ESRRG: variants seen among roughly 807,000 people sequenced by gnomAD.
ESRRG encodes the protein estrogen related receptor gamma, also known as estrogen-related receptor gamma.
A neutral mutation model predicts 44.0 loss-of-function variants in ESRRG; 13 were observed. The observed-to-expected ratio is 0.30, with a 90% CI of 0.19 to 0.47. The LOEUF (loss-of-function observed/expected upper bound fraction) is 0.47, where lower values mean the gene tolerates loss of function less well. ESRRG is among the 20% of genes least tolerant of loss of function. ESRRG has a pLI of 1.00. For synonymous variants in ESRRG, 215 were observed against 214.6 expected (o/e 1.00, Z -0.02); for missense variants, 395 against 580.6 (o/e 0.68, Z 3.29).
At chr1:217,091,103 A>G (rs1322026590), upstream of ESRRG, among the ~76,000 whole-genome samples, 2 of 152,220 alleles carry the variant, frequency 1.3e-5, no homozygotes, top group East Asian at 1.9e-4. Context: ...ATAAGTATCT[A>G]GCACCAGGTT....
chr1:216,601,162 G>A (rs1414990496), intron 3 of ESRRG, among the ~76,000 whole-genome samples: 2 of 152,116 alleles, frequency 1.3e-5, no homozygotes, highest in African/African-American at 4.8e-5. Context: ...GCTGCCCCGG[G>A]CTCCCGGGCG....
At chr1:216,608,186 T>C (rs191501441) in intron 3 of ESRRG, among the ~76,000 whole-genome samples, 200 of 152,352 alleles carry the variant, frequency 1.3e-3, no homozygotes, top group African/African-American at 4.4e-3. Flanking sequence ...ATTTATTCTT[T>C]TAATTTGAAT....
intron 2 of ESRRG, among the ~76,000 whole-genome samples, chr1:216,893,658 A>C (rs2058080132): frequency 6.6e-6 from 1 of 151,692 alleles, no homozygotes; most frequent in African/African-American, 2.4e-5. Context: ...GAAATGTATA[A>C]GATGTAAACA....
At chr1:216,780,575 A>G (rs1053736898) in intron 2 of ESRRG, among the ~76,000 whole-genome samples, 1 of 152,032 alleles carries the variant, frequency 6.6e-6, no homozygotes, top group Non-Finnish European at 1.5e-5. Context: ...GTTACTATCA[A>G]TATCTTCATG....
chr1:216,625,554 T>C (rs1489079500), intron 3 of ESRRG, among the ~76,000 whole-genome samples: 1 of 152,058 alleles, frequency 6.6e-6, no homozygotes, highest in Non-Finnish European at 1.5e-5. Context: ...ATTCCAGGTG[T>C]CTAGAGATGA....
rs150118292 is a variant in ESRRG, at chr1:216,927,951, C to T, written c.-14+11631G>A. Among the ~76,000 whole-genome samples, 29 of 152,262 alleles carry T rather than the reference C, an allele frequency of 1.9e-4. No homozygotes were observed. In the East Asian group the frequency reaches 4.8e-3, roughly 25 times the overall value. On this transcript the variant is annotated intron_variant, in intron 2 of 7. Transcript: ENST00000359162. ...TTAATCCAGTTCCAATCTTTAACTTCGAAAGAATTCAGGCACATGAGGGAT... is the reference window on the plus strand; with the variant it reads ...TTAATCCAGTTCCAATCTTTAACTTTGAAAGAATTCAGGCACATGAGGGAT...
chr1:216,975,322 A>G (rs1365719227), intron 1 of ESRRG, among the ~76,000 whole-genome samples: 2 of 152,214 alleles, frequency 1.3e-5, no homozygotes, highest in Non-Finnish European at 2.9e-5. Context: ...TGATCTGGTC[A>G]GATCAAGGAC....
At chr1:216,715,580 G>T (rs567139304) in intron 1 of ESRRG, among the ~76,000 whole-genome samples, 1 of 152,148 alleles carries the variant, frequency 6.6e-6, no homozygotes, top group South Asian at 2.1e-4. Flanking sequence ...GCAATCAATT[G>T]AACAACCTCA....
chr1:216,938,764 G>T (rs2064615763), intron 2 of ESRRG, among the ~76,000 whole-genome samples: 1 of 152,166 alleles, frequency 6.6e-6, no homozygotes, highest in Non-Finnish European at 1.5e-5. Context: ...ATACATCAGA[G>T]ATCCTGCATT....
intron 2 of ESRRG, among the ~76,000 whole-genome samples, chr1:216,880,679 T>C (rs2096432428): frequency 6.6e-6 from 1 of 152,182 alleles, no homozygotes; most frequent in Admixed American, 6.5e-5. Flanking sequence ...CTCCTTTTTA[T>C]TTAATTTAGA....
intron 2 of ESRRG, among the ~76,000 whole-genome samples, chr1:216,748,156 G>A (rs1284524830): frequency 6.6e-6 from 1 of 152,130 alleles, no homozygotes; most frequent in Non-Finnish European, 1.5e-5. Context: ...CTCATAAGCA[G>A]TGGACTCTCA....
chr1:216,580,326 T>C (rs1336446900), intron 3 of ESRRG, among the ~76,000 whole-genome samples: 2 of 152,140 alleles, frequency 1.3e-5, no homozygotes, highest in East Asian at 3.9e-4. Context: ...GTTTTCTTAA[T>C]GCACCAGTGT....
chr1:216,925,001 CAAG>C (rs2062344091), intron 2 of ESRRG, among the ~76,000 whole-genome samples: 1 of 152,066 alleles, frequency 6.6e-6, no homozygotes, highest in South Asian at 2.1e-4. Context: ...ACTATTTACC[CAAG>C]AAGATTTCCA....
chr1:216,729,776 C>T (rs1285454264), intron 2 of ESRRG, among the ~76,000 whole-genome samples: 1 of 152,184 alleles, frequency 6.6e-6, no homozygotes, highest in Non-Finnish European at 1.5e-5. Context: ...TCCCTCTACT[C>T]TAGCAGTTCA....
chr1:216,719,036 T>C (rs1170704034), intron 1 of ESRRG, among the ~76,000 whole-genome samples: 2 of 152,022 alleles, frequency 1.3e-5, no homozygotes, highest in African/African-American at 4.8e-5. Flanking sequence ...AGCAAAACCT[T>C]CAGTGCTTAA....
At chr1:216,810,383 T>C (rs977322768) in intron 2 of ESRRG, among the ~76,000 whole-genome samples, 1 of 152,066 alleles carries the variant, frequency 6.6e-6, no homozygotes, top group Non-Finnish European at 1.5e-5. Flanking sequence ...TCAGTGTTTC[T>C]GTATGTTAAG....
chr1:216,733,248 A>ATT (rs55691102), intron 2 of ESRRG, among the ~76,000 whole-genome samples: 22,037 of 138,790 alleles, frequency 0.16, 1,831 homozygotes, highest in East Asian at 0.3. Flanking sequence ...GTATAAGGGC[A>ATT]TTTTTTTTTT....
At chr1:216,854,129 C>T (rs1203231111) in intron 2 of ESRRG, among the ~76,000 whole-genome samples, 4 of 151,988 alleles carry the variant, frequency 2.6e-5, no homozygotes, top group African/African-American at 9.6e-5. Context: ...GAGGCTGAAG[C>T]GGGTGGATCA....
chr1:216,937,779 C>T (rs1358557628), intron 2 of ESRRG, among the ~76,000 whole-genome samples: 1 of 152,106 alleles, frequency 6.6e-6, no homozygotes, highest in Non-Finnish European at 1.5e-5. Context: ...TGGATTCCTG[C>T]CCAGTCTGAG....
Sources: gnomAD v4.1 joint callset for allele counts (sites outside exome capture counted in the v4.1 genomes callset) on GRCh38, gnomAD v4.1.1 for gene constraint, MANE v1.5 for transcripts, NCBI Gene and HGNC (gene_info 2026-07-23, HGNC 2026-07-21) for gene names.